Variants in XIAP observed in about 807,000 individuals in gnomAD.
XIAP encodes X-linked inhibitor of apoptosis.
Under a neutral mutation model 33.1 loss-of-function variants are expected in XIAP, and 3 were observed. That is an observed-to-expected ratio of 0.09 (90% confidence interval 0.04 to 0.23). The LOEUF (loss-of-function observed/expected upper bound fraction) is 0.23, where lower values mean the gene tolerates loss of function less well. XIAP is among the 10% of genes least tolerant of loss of function. The pLI, the probability that XIAP is intolerant of heterozygous loss-of-function variation, is 1.00. For missense variants in XIAP, 264 were observed against 363.0 expected, an observed-to-expected ratio of 0.73 and a Z score of 2.22; for synonymous variants, 98 against 121.3, an observed-to-expected ratio of 0.81 and a Z score of 1.26.
At chrX:123,904,727 G>A (rs1255930585) in intron 6 of XIAP, among the ~76,000 whole-genome samples, 2 of 112,117 alleles carry the variant, frequency 1.8e-5, no homozygotes, top group African/African-American at 3.2e-5. Flanking sequence ...AGGTTCAAGC[G>A]ATTCTGCTGC....
Position 123,876,221 on chromosome X carries a change from C to CT in XIAP, c.-32-9397dup, listed in dbSNP as rs67901381. Among the ~76,000 whole-genome samples, 363 of 101,397 alleles carry CT rather than the reference C, an allele frequency of 3.6e-3. 1 individual carries two copies. The highest frequency in any genetic ancestry group is 0.012 in the African/African-American group (325 of 28,043). The allele number at this position is 101,397 out of a possible 115,157, so 88.1% of individuals were successfully genotyped here. On this transcript the variant is annotated intron_variant, in intron 1 of 6. Coordinates refer to ENST00000371199, the MANE Select transcript of XIAP (RefSeq NM_001167.4). ...AGCCACCGCATGTGACCTCATGCTG[C>CT]TTTTTTTTTTTTTCCAACTACTTTA...
At chrX:123,867,297 G>T (rs375675324) in intron 1 of XIAP, among the ~76,000 whole-genome samples, 3 of 108,041 alleles carry the variant, frequency 2.8e-5, no homozygotes, top group African/African-American at 1.0e-4. Context: ...CTGACCTCGT[G>T]ATTAGCCCGC....
rs940898458 is a variant in XIAP, at chrX:123,907,505, G to A, written c.*324G>A. Reference sequence around the variant, plus strand: ...TAAGTGTAAGTGAATTAATCATCTGGATTTTTTATTCTTTTCAGATAGGCT... The same window carrying A: ...TAAGTGTAAGTGAATTAATCATCTGAATTTTTTATTCTTTTCAGATAGGCT... On this transcript the variant is annotated 3_prime_UTR_variant, in exon 7 of 7. Transcript: ENST00000371199. 9 of 381,132 alleles carry A rather than the reference G, an allele frequency of 2.4e-5. No homozygotes were observed. The highest frequency in any genetic ancestry group is 3.3e-5 in the Non-Finnish European group (7 of 210,383). The allele number at this position is 381,132 out of a possible 1,213,427, so 31.4% of individuals were successfully genotyped here.
At chrX:123,890,891 A>G (rs2053401596) in intron 3 of XIAP, among the ~76,000 whole-genome samples, 1 of 108,601 alleles carries the variant, frequency 9.2e-6, no homozygotes, top group South Asian at 4.1e-4. Context: ...CAGTAAGCCA[A>G]GATCGTGCCA....
chrX:123,866,565 A>G (rs1438962710), intron 1 of XIAP, among the ~76,000 whole-genome samples: 3 of 102,598 alleles, frequency 2.9e-5, no homozygotes, highest in African/African-American at 1.1e-4. Context: ...TATGATATAT[A>G]TAATATAGTA....
intron 4 of XIAP, among the ~76,000 whole-genome samples, chrX:123,892,456 T>C (rs1167684220): frequency 5.4e-5 from 6 of 111,405 alleles, no homozygotes; most frequent in Non-Finnish European, 9.4e-5. Flanking sequence ...AACCCTGGAC[T>C]AAAATGGGAG....
In XIAP at chrX:123,911,026, A is replaced by G. The variant is rs958117071; in HGVS notation, c.*3845A>G. The G allele has an allele frequency of 4.3e-5, 14 of 327,161 alleles. No individual in the cohort carries two copies. The East Asian group carries it at 1.4e-3, about 32-fold the overall frequency. The allele number at this position is 327,161 out of a possible 1,213,427, so 27.0% of individuals were successfully genotyped here. ...TTGCAAGAGCTCAAGGAGACCATGTATGTAAAGTTCCTGCTGTAAATATGA... is the reference window on the plus strand; with the variant it reads ...TTGCAAGAGCTCAAGGAGACCATGTGTGTAAAGTTCCTGCTGTAAATATGA... On this transcript the variant is annotated 3_prime_UTR_variant, in exon 7 of 7. Coordinates refer to ENST00000371199, the MANE Select transcript of XIAP (RefSeq NM_001167.4).
At chrX:123,860,978 T>A (rs973941528) in intron 1 of XIAP, among the ~76,000 whole-genome samples, 1 of 111,937 alleles carries the variant, frequency 8.9e-6, no homozygotes, top group Admixed American at 9.6e-5. Flanking sequence ...GCTAGTTCTG[T>A]CACAACTATA....
At chrX:123,870,713 G>A (rs1041247974) in intron 1 of XIAP, among the ~76,000 whole-genome samples, 2 of 111,244 alleles carry the variant, frequency 1.8e-5, no homozygotes, top group African/African-American at 6.5e-5. Flanking sequence ...GCTTGAAACC[G>A]CAAGGCAGGG....
chrX:123,899,446 A>AT (rs1389854615), intron 5 of XIAP, among the ~76,000 whole-genome samples: 1 of 106,511 alleles, frequency 9.4e-6, no homozygotes, highest in Non-Finnish European at 1.9e-5. Flanking sequence ...AAATATATAT[A>AT]TTTATCTGTG....
At chrX:123,901,391 T>C (rs918796297) in intron 6 of XIAP, among the ~76,000 whole-genome samples, 2 of 110,711 alleles carry the variant, frequency 1.8e-5, no homozygotes, top group Non-Finnish European at 3.8e-5. Flanking sequence ...TCTCAAAATA[T>C]ATGTATCTCT....
chrX:123,894,867 C>G (rs577875250), intron 5 of XIAP, among the ~76,000 whole-genome samples: 34 of 110,432 alleles, frequency 3.1e-4, no homozygotes, highest in African/African-American at 1.1e-3. Flanking sequence ...TTTCTTGAAC[C>G]TGGAAGGCGG....
At chrX:123,885,002 C>T (rs1481302807) in intron 1 of XIAP, among the ~76,000 whole-genome samples, 1 of 109,470 alleles carries the variant, frequency 9.1e-6, no homozygotes, top group Non-Finnish European at 1.9e-5. Flanking sequence ...TTTCCTGAGC[C>T]ACCCTCTAGA....
intron 6 of XIAP, among the ~76,000 whole-genome samples, chrX:123,905,251 G>T: frequency 9.0e-6 from 1 of 111,202 alleles, no homozygotes; most frequent in Non-Finnish European, 1.9e-5. Context: ...TCATGATCAG[G>T]CACCCTTTTG....
chrX:123,870,750 T>G (rs2053186143), intron 1 of XIAP, among the ~76,000 whole-genome samples: 1 of 110,788 alleles, frequency 9.0e-6, no homozygotes, highest in East Asian at 2.8e-4. Flanking sequence ...ATTGTGACAC[T>G]GCACTCCAGT....
At chrX:123,868,664 G>C (rs886361387) in intron 1 of XIAP, among the ~76,000 whole-genome samples, 1 of 111,578 alleles carries the variant, frequency 9.0e-6, no homozygotes, top group Admixed American at 9.6e-5. Flanking sequence ...CCCAGGAGGT[G>C]GAGGTTGCAG....
At position 123,910,665 on chromosome X, in the gene XIAP, C is replaced by T. The variant is rs945505528; in HGVS notation, c.*3484C>T. On this transcript the variant is annotated 3_prime_UTR_variant, in exon 7 of 7. Transcript: ENST00000371199. ...CAGGTGGATCACGAGGTCAGGAGATCGAGACCATCCTGGCTAACACGGTGA... is the reference window on the plus strand; with the variant it reads ...CAGGTGGATCACGAGGTCAGGAGATTGAGACCATCCTGGCTAACACGGTGA... 41 of 316,844 alleles carry T rather than the reference C, an allele frequency of 1.3e-4. No homozygotes were observed. The highest frequency in any genetic ancestry group is 2.3e-4 in the Non-Finnish European group (38 of 164,620). The allele number at this position is 316,844 out of a possible 1,213,427, so 26.1% of individuals were successfully genotyped here.
chrX:123,899,144 A>AAAAAAATAAAT (rs1186271285), intron 5 of XIAP, among the ~76,000 whole-genome samples: 1 of 50,184 alleles, frequency 2.0e-5, no homozygotes. Context: ...AAAAAAAAAA[A>AAAAAAATAAAT]ATATATATAT....
chrX:123,869,901 G>A (rs1020436489), intron 1 of XIAP, among the ~76,000 whole-genome samples: 1 of 112,733 alleles, frequency 8.9e-6, no homozygotes, highest in Non-Finnish European at 1.9e-5. Flanking sequence ...GAGAAGATGA[G>A]CTATAGAATC....
Sources: allele counts gnomAD v4.1 joint callset (sites outside exome capture counted in the v4.1 genomes callset), GRCh38; gene constraint gnomAD v4.1.1; transcripts MANE v1.5; gene names NCBI Gene and HGNC (gene_info 2026-07-23, HGNC 2026-07-21).